MLPH: variants seen among roughly 807,000 people sequenced by gnomAD.
The protein encoded by MLPH is melanophilin.
MLPH carries 51 observed loss-of-function variants against 72.1 expected under a neutral mutation model. The ratio of observed to expected loss-of-function variants is 0.71; its 90% CI spans 0.56 to 0.89. The LOEUF is 0.89. Ranked by LOEUF, MLPH falls within the 40% of genes least tolerant of loss-of-function variation. The probability of loss-of-function intolerance (pLI) is 0.00; values close to 1 mark genes in which losing one functional copy is unlikely to be tolerated. For missense variants in MLPH, 743 were observed against 759.9 expected (o/e 0.98, Z 0.26); for synonymous variants, 301 against 310.1 (o/e 0.97, Z 0.31).
chr2:237,533,275 A>G (rs940239187), intron 8 of MLPH, among the ~76,000 whole-genome samples: 5 of 152,074 alleles, frequency 3.3e-5, no homozygotes, highest in Non-Finnish European at 7.4e-5. Context: ...TGGAGTTTTG[A>G]GACTGCAGAG....
chr2:237,512,715 A>G lies in MLPH; in HGVS notation c.445+1614A>G, dbSNP rs928052484. ...CTCCAGTCCACCCCTAACAGGCTTA[A>G]GGATAGAAACGACACATAACACCGG... On this transcript the variant is annotated intron_variant, in intron 4 of 15. Transcript: ENST00000264605. This position sits in a 1 kb window ranked among gnomAD's most constrained non-coding sequence, Gnocchi z 5.5. Among the ~76,000 whole-genome samples the G allele has an allele frequency of 6.6e-6, 1 of 152,146 alleles. No individual in the cohort carries two copies. Among genetic ancestry groups the G allele is most frequent in the Non-Finnish European group, 1.5e-5 (1 of 68,028 alleles).
chr2:237,511,693 T>G (rs1574851895), intron 4 of MLPH: 1 of 154,074 alleles, frequency 6.5e-6, no homozygotes, highest in African/African-American at 2.4e-5. Context: ...TTCACATGAA[T>G]CTGGTGATTA....
At chr2:237,542,841 G>GT (rs1285907315) in intron 12 of MLPH, among the ~76,000 whole-genome samples, 182 bp downstream of exon 12, 1 of 40,004 alleles carries the variant, frequency 2.5e-5, no homozygotes, top group Admixed American at 2.2e-4. Context: ...GTGAGTGGGG[G>GT]ACAGTGGTGA....
chr2:237,553,196 C>A (rs1299022346), intron 15 of MLPH: 2 of 487,086 alleles, frequency 4.1e-6, no homozygotes, highest in African/African-American at 3.9e-5. Context: ...TGGCCGATGA[C>A]CAGTCTGGTT....
chr2:237,529,580 A>G (rs147899397), intron 8 of MLPH, among the ~76,000 whole-genome samples: 2 of 152,330 alleles, frequency 1.3e-5, no homozygotes, highest in Non-Finnish European at 2.9e-5. Flanking sequence ...TGAGAACATC[A>G]TGACCACTAG....
chr2:237,517,756 GAT>G (rs2080081175), intron 4 of MLPH, among the ~76,000 whole-genome samples: 1 of 134,442 alleles, frequency 7.4e-6, no homozygotes, highest in South Asian at 2.6e-4. Context: ...TGGATGGATG[GAT>G]GGATGGATAA....
intron 8 of MLPH, 50 bp downstream of exon 8, chr2:237,527,566 C>A: frequency 6.2e-7 from 1 of 1,609,420 alleles, no homozygotes; most frequent in Non-Finnish European, 8.5e-7. Context: ...TGGGTGGAGT[C>A]TTTTTACCTC....
chr2:237,517,803 G>A (rs982575842), intron 4 of MLPH, among the ~76,000 whole-genome samples: 1 of 147,674 alleles, frequency 6.8e-6, no homozygotes, highest in South Asian at 2.1e-4. Context: ...GTGGATGAGT[G>A]GGCAGCTGGA....
intron 13 of MLPH, among the ~76,000 whole-genome samples, chr2:237,548,750 G>A (rs570026002): frequency 1.3e-5 from 2 of 152,298 alleles, no homozygotes; most frequent in South Asian, 4.1e-4. Flanking sequence ...GTGGTGGCGG[G>A]CGCCTGTAGG....
At chr2:237,508,497 C>T (rs986786514) in intron 2 of MLPH, among the ~76,000 whole-genome samples, 2 of 152,100 alleles carry the variant, frequency 1.3e-5, no homozygotes, top group Non-Finnish European at 2.9e-5. Context: ...AGCAGTTTAT[C>T]CACCATTGTT....
intron 12 of MLPH, chr2:237,545,349 C>A (rs538724892): frequency 3.2e-6 from 3 of 944,746 alleles, no homozygotes; most frequent in East Asian, 6.1e-5. Context: ...GGCCCCCCAC[C>A]TCCCTTCCCG....
At chr2:237,537,022 A>G (rs2080545773) in intron 9 of MLPH, among the ~76,000 whole-genome samples, 1 of 152,224 alleles carries the variant, frequency 6.6e-6, no homozygotes, top group Admixed American at 6.5e-5. Flanking sequence ...TGCTCGCGGA[A>G]TGGCCCTCTG....
At chr2:237,542,995 C>G (rs963723880) in intron 12 of MLPH, among the ~76,000 whole-genome samples, 10 of 20,016 alleles carry the variant, frequency 5.0e-4, no homozygotes, top group East Asian at 1.5e-3. Context: ...TGAGTGGGGG[C>G]ACAGTGGTGA....
At chr2:237,518,779 A>T in intron 5 of MLPH, 131 bp downstream of exon 5, 1 of 737,966 alleles carries the variant, frequency 1.4e-6, no homozygotes, top group Non-Finnish European at 2.4e-6. Flanking sequence ...CATGAGCACC[A>T]AGAATCTGCT....
rs1336320705 is a variant in MLPH, at chr2:237,524,216, G to A, written c.676-1385G>A. On this transcript the variant is annotated intron_variant, in intron 6 of 15. Coordinates refer to ENST00000264605, the MANE Select transcript of MLPH (RefSeq NM_024101.7). ...GGCTAGTAAGGTGTCGGTTACTAGGGCCAGTGTCAAGTTGATTATTTCCGC... is the reference window on the plus strand; with the variant it reads ...GGCTAGTAAGGTGTCGGTTACTAGGACCAGTGTCAAGTTGATTATTTCCGC... Among the ~76,000 whole-genome samples, 3 of 151,248 alleles carry A rather than the reference G, an allele frequency of 2.0e-5. No homozygotes were observed. In the South Asian group the frequency reaches 6.2e-4, roughly 31 times the overall value.
intron 2 of MLPH, among the ~76,000 whole-genome samples, chr2:237,504,689 C>T (rs914942429): frequency 3.3e-5 from 5 of 152,198 alleles, no homozygotes; most frequent in Admixed American, 1.3e-4. Flanking sequence ...GGATTTTGCC[C>T]GCCCTATAAC....
At chr2:237,491,642 T>C (rs10165843) in intron 1 of MLPH, among the ~76,000 whole-genome samples, 6,409 of 152,254 alleles carry the variant, frequency 0.042, 451 homozygotes, top group African/African-American at 0.15. Context: ...CACAGGATGA[T>C]CAGGGAAGTC....
In MLPH at chr2:237,549,134, T is replaced by C. The variant is rs889021039; in HGVS notation, c.1618-87T>C. ...ATAGTGGCCATGGTTAATTAGAAGCTGGAAGAACAATAAGAAATCCAAAAT... is the reference window on the plus strand; with the variant it reads ...ATAGTGGCCATGGTTAATTAGAAGCCGGAAGAACAATAAGAAATCCAAAAT... On this transcript the variant is annotated intron_variant, in intron 13 of 15. Transcript: ENST00000264605. The C allele has an allele frequency of 6.4e-6, 8 of 1,253,488 alleles. No individual in the cohort carries two copies. In the African/African-American group the frequency reaches 1.0e-4, roughly 16 times the overall value. The allele number at this position is 1,253,488 out of a possible 1,614,324, so 77.6% of individuals were successfully genotyped here. A position where few individuals can be genotyped will look rare whatever the true frequency, so the allele number is the denominator to read the frequency against.
chr2:237,502,840 C>A (rs2079680337), intron 2 of MLPH, among the ~76,000 whole-genome samples: 1 of 152,076 alleles, frequency 6.6e-6, no homozygotes, highest in Non-Finnish European at 1.5e-5. Context: ...TTTTTTTGAC[C>A]AGGCTCGGTG....
Sources: allele counts gnomAD v4.1 joint callset (sites outside exome capture counted in the v4.1 genomes callset), GRCh38; gene constraint gnomAD v4.1.1; non-coding constraint Gnocchi (gnomAD v3.1); transcripts MANE v1.5; gene names NCBI Gene and HGNC (gene_info 2026-07-23, HGNC 2026-07-21).